The following ACSS1 variants were observed in gnomAD, a reference collection of about 807,000 sequenced individuals.
ACSS1 encodes the protein acyl-CoA synthetase short chain family member 1, also known as acetyl-coenzyme A synthetase 2-like, mitochondrial.
ACSS1 carries 42 observed loss-of-function variants against 75.3 expected under a neutral mutation model. The observed-to-expected ratio is 0.56, with a 90% CI of 0.44 to 0.72. ACSS1 has a LOEUF of 0.72. ACSS1 is among the 30% of genes least tolerant of loss of function. ACSS1 has a pLI of 0.00. For missense variants in ACSS1, 782 were observed against 935.7 expected, an observed-to-expected ratio of 0.84 and a Z score of 2.14; for synonymous variants, 380 against 376.8, an observed-to-expected ratio of 1.01 and a Z score of -0.10.
chr20:25,045,542 C>T (rs2089074565), intron 2 of ACSS1, among the ~76,000 whole-genome samples: 1 of 152,248 alleles, frequency 6.6e-6, no homozygotes, highest in African/African-American at 2.4e-5. Flanking sequence ...CCAACCTCTA[C>T]CAGCCCCACG....
intron 2 of ACSS1, among the ~76,000 whole-genome samples, chr20:25,035,330 T>A (rs983467181): frequency 2.6e-5 from 4 of 152,100 alleles, no homozygotes; most frequent in African/African-American, 4.8e-5. Flanking sequence ...GCCATGGAAA[T>A]GTTTTGTGTT....
intron 6 of ACSS1, among the ~76,000 whole-genome samples, 183 bp from the exon 7 acceptor site, chr20:25,020,330 T>C (rs926923351): frequency 8.4e-6 from 1 of 119,030 alleles, no homozygotes; most frequent in African/African-American, 3.3e-5. Context: ...ATGGGACAGG[T>C]CCCCAATGGC....
intron 1 of ACSS1, among the ~76,000 whole-genome samples, chr20:25,050,336 C>T (rs73348722): frequency 0.033 from 4,976 of 152,196 alleles, 261 homozygotes; most frequent in African/African-American, 0.11. Context: ...CTCTATGATG[C>T]TATGACAAGC....
intron 7 of ACSS1, among the ~76,000 whole-genome samples, chr20:25,018,044 G>C (rs1466597744): frequency 6.6e-6 from 1 of 152,228 alleles, no homozygotes; most frequent in Middle Eastern, 3.2e-3. Flanking sequence ...CATGCCAAGA[G>C]AGACCACCCA....
At chr20:25,032,558 C>A in intron 2 of ACSS1, 1 of 1,249,604 alleles carries the variant, frequency 8.0e-7, no homozygotes, top group African/African-American at 1.5e-5. Flanking sequence ...GAAGCCAAGG[C>A]CCTTTCTCTC....
At chr20:25,049,896 T>A (rs2089152913) in intron 1 of ACSS1, among the ~76,000 whole-genome samples, 1 of 151,878 alleles carries the variant, frequency 6.6e-6, no homozygotes, top group African/African-American at 2.4e-5. Context: ...GAAGAACTGC[T>A]CTATGCAACA....
intron 8 of ACSS1, among the ~76,000 whole-genome samples, chr20:25,014,898 A>C (rs967742043): frequency 2.6e-5 from 4 of 152,050 alleles, no homozygotes; most frequent in African/African-American, 9.7e-5. Context: ...GGGCGCCCCC[A>C]CCTCACAAAG....
chr20:25,014,729 C>T (rs1188538249), intron 8 of ACSS1, among the ~76,000 whole-genome samples: 2 of 152,192 alleles, frequency 1.3e-5, no homozygotes, highest in Non-Finnish European at 2.9e-5. Context: ...AATTTAGACT[C>T]ATGCTCCCTT....
intron 2 of ACSS1, chr20:25,045,926 A>T (rs4076500): frequency 9.2e-4 from 48 of 52,264 alleles, no homozygotes; most frequent in South Asian, 5.0e-3. Flanking sequence ...ATTTATTTTT[A>T]TTTTTATTTT....
intron 12 of ACSS1, 181 bp downstream of exon 12, chr20:25,012,420 C>T (rs576905054): frequency 6.9e-5 from 50 of 724,452 alleles, no homozygotes; most frequent in Non-Finnish European, 9.8e-5. Flanking sequence ...GAAACCCGAC[C>T]GAACACGAGT....
intron 2 of ACSS1, among the ~76,000 whole-genome samples, chr20:25,041,031 G>A (rs2088993025): frequency 6.6e-6 from 1 of 152,204 alleles, no homozygotes; most frequent in Non-Finnish European, 1.5e-5. Flanking sequence ...GGCCAAGGCG[G>A]GTGGATCACG....
intron 2 of ACSS1, among the ~76,000 whole-genome samples, chr20:25,031,729 C>G (rs976990993): frequency 6.6e-6 from 1 of 152,266 alleles, no homozygotes; most frequent in East Asian, 1.9e-4. Context: ...TCCTGGGATC[C>G]GGATGGGGAC....
In ACSS1 at chr20:25,007,037, C is replaced by A; in HGVS notation, c.*725G>T. On this transcript the variant is annotated 3_prime_UTR_variant, in exon 14 of 14. Transcript: ENST00000323482. ...TCAGAACTAAGGCGGCCACATTCAC[C>A]CCACCGCTTAGGAGTTAGCTCCATT... is the stretch of plus-strand genomic sequence containing the variant. 1 of 1,508,194 alleles carries A rather than the reference C, an allele frequency of 6.6e-7. No individual in the cohort carries two copies. The allele number at this position is 1,508,194 out of a possible 1,614,324, so 93.4% of individuals were successfully genotyped here.
chr20:25,023,701 T>A, intron 3 of ACSS1, 60 bp from the exon 4 acceptor site: 1 of 1,473,184 alleles, frequency 6.8e-7, no homozygotes, highest in Non-Finnish European at 9.1e-7. Flanking sequence ...CCCTCATAGC[T>A]CTGACTCACA....
chr20:25,035,119 T>C (rs1033164413), intron 2 of ACSS1, among the ~76,000 whole-genome samples: 14 of 151,760 alleles, frequency 9.2e-5, no homozygotes, highest in African/African-American at 3.4e-4. Flanking sequence ...ATGATCTCAA[T>C]CTCCTGACCT....
chr20:25,048,259 C>T lies in ACSS1; in HGVS notation c.335-78G>A, dbSNP rs73906054. 2,758 of 1,300,980 alleles carry T rather than the reference C, an allele frequency of 2.1e-3. 44 individuals are homozygous for T. In the African/African-American group the frequency reaches 0.036, roughly 17 times the overall value. The allele number at this position is 1,300,980 out of a possible 1,614,324, so 80.6% of individuals were successfully genotyped here. ...ATTCGGCCAGGTTGAGGGGTTGGAG[C>T]GGGTCTAGTTTGCTGTGGCTCTCTC... On this transcript the variant is annotated intron_variant, in intron 1 of 13. Coordinates refer to ENST00000323482, the MANE Select transcript of ACSS1 (RefSeq NM_032501.4).
chr20:25,021,558 A>G (rs1425515073), intron 5 of ACSS1, 22 bp from the exon 6 acceptor site: 2 of 1,610,404 alleles, frequency 1.2e-6, no homozygotes, highest in South Asian at 2.2e-5. Flanking sequence ...GGAAAGGAGC[A>G]TCAGGAGCTT....
At chr20:25,047,416 G>A (rs2089111848) in intron 2 of ACSS1, among the ~76,000 whole-genome samples, 1 of 152,120 alleles carries the variant, frequency 6.6e-6, no homozygotes, top group African/African-American at 2.4e-5. Context: ...GCTCACAGTG[G>A]CCACCCAGCC....
chr20:25,037,371 G>T (rs530512965), intron 2 of ACSS1, among the ~76,000 whole-genome samples: 1 of 152,128 alleles, frequency 6.6e-6, no homozygotes, highest in South Asian at 2.1e-4. Flanking sequence ...CTTGCATCAC[G>T]CTGGCATGAA....
Sources: gnomAD v4.1 joint callset for allele counts (sites outside exome capture counted in the v4.1 genomes callset) on GRCh38, gnomAD v4.1.1 for gene constraint, MANE v1.5 for transcripts, NCBI Gene and HGNC (gene_info 2026-07-23, HGNC 2026-07-21) for gene names.